Variants in EVI5 observed in about 807,000 individuals in gnomAD.
EVI5 encodes ecotropic viral integration site 5 protein homolog.
EVI5 carries 73 observed loss-of-function variants against 112.0 expected under a neutral mutation model. The observed-to-expected ratio is 0.65, with a 90% confidence interval of 0.54 to 0.79. EVI5 has a LOEUF of 0.79. Among genes scored for constraint, EVI5 ranks in the 30% least tolerant of loss-of-function variants. EVI5 has a pLI of 0.00. For synonymous variants in EVI5, 305 were observed against 319.9 expected, an observed-to-expected ratio of 0.95 and a Z score of 0.50; for missense variants, 900 against 968.8, an observed-to-expected ratio of 0.93 and a Z score of 0.94.
chr1:92,754,747 A>G (rs182300761), intron 1 of EVI5, among the ~76,000 whole-genome samples: 2 of 152,364 alleles, frequency 1.3e-5, no homozygotes, highest in Admixed American at 6.5e-5. Context: ...ATTTAGCTTC[A>G]TAAGTCACTC....
At chr1:92,691,974 T>A (rs1222896963) in intron 9 of EVI5, among the ~76,000 whole-genome samples, 1 of 152,106 alleles carries the variant, frequency 6.6e-6, no homozygotes, top group Non-Finnish European at 1.5e-5. Flanking sequence ...AAAGTCAATA[T>A]AAATATACAT....
intron 1 of EVI5, among the ~76,000 whole-genome samples, chr1:92,783,783 C>T (rs1297144744): frequency 7.4e-6 from 1 of 135,578 alleles, no homozygotes; most frequent in Non-Finnish European, 1.5e-5. Flanking sequence ...GCACTCCAGT[C>T]TGGCGACAGA....
intron 9 of EVI5, among the ~76,000 whole-genome samples, chr1:92,677,701 T>C (rs1323983344): frequency 2.0e-5 from 3 of 152,200 alleles, no homozygotes; most frequent in Non-Finnish European, 4.4e-5. Context: ...ACCATTAGAA[T>C]TCCTCAGTAA....
At chr1:92,714,062 C>T in intron 2 of EVI5, 1 of 984,350 alleles carries the variant, frequency 1.0e-6, no homozygotes. Context: ...GCACATTTAA[C>T]ACACAAGGGG....
chr1:92,777,193 C>T (rs977519100), intron 1 of EVI5, among the ~76,000 whole-genome samples: 4 of 152,184 alleles, frequency 2.6e-5, no homozygotes, highest in Non-Finnish European at 2.9e-5. Context: ...CTGCCTCAGA[C>T]TCCCAAAGTG....
At chr1:92,516,228 C>A (rs1156382638) in intron 19 of EVI5, among the ~76,000 whole-genome samples, 2 of 152,188 alleles carry the variant, frequency 1.3e-5, no homozygotes, top group African/African-American at 4.8e-5. Context: ...GAACATGTGT[C>A]TTCCTTCTTC....
intron 3 of EVI5, 72 bp downstream of exon 3, chr1:92,704,483 C>A: frequency 1.0e-6 from 1 of 987,938 alleles, no homozygotes; most frequent in Non-Finnish European, 1.5e-6. Context: ...GGTTTTTTTC[C>A]CAATCCTCTA....
chr1:92,774,231 TCA>T (rs1340731642), intron 1 of EVI5, among the ~76,000 whole-genome samples: 2 of 152,224 alleles, frequency 1.3e-5, no homozygotes, highest in African/African-American at 2.4e-5. Flanking sequence ...CAAATTATGC[TCA>T]GTTTTCCAAA....
chr1:92,748,591 T>C (rs185676163), intron 1 of EVI5, among the ~76,000 whole-genome samples: 53 of 152,178 alleles, frequency 3.5e-4, no homozygotes, highest in East Asian at 1.5e-3. Context: ...CAAAACAAAA[T>C]TAAAATATTT....
chr1:92,704,489 C>T, intron 3 of EVI5, 66 bp downstream of exon 3: 1 of 1,022,582 alleles, frequency 9.8e-7, no homozygotes. Flanking sequence ...TTTCCCAATC[C>T]TCTATTAAGT....
At chr1:92,636,784 T>G (rs1018425738) in intron 13 of EVI5, among the ~76,000 whole-genome samples, 4 of 151,912 alleles carry the variant, frequency 2.6e-5, no homozygotes, top group African/African-American at 9.7e-5. Flanking sequence ...TTTGAAGAAT[T>G]AATATGAAAT....
At chr1:92,640,413 A>AG (rs1659710673) in intron 13 of EVI5, among the ~76,000 whole-genome samples, 1 of 152,220 alleles carries the variant, frequency 6.6e-6, no homozygotes, top group Admixed American at 6.5e-5. Context: ...AATTTACAAG[A>AG]GAAAAACAAC....
intron 16 of EVI5, among the ~76,000 whole-genome samples, chr1:92,620,380 A>G (rs1006759962): frequency 1.3e-5 from 2 of 151,226 alleles, no homozygotes; most frequent in African/African-American, 4.8e-5. Context: ...ATAACAACCA[A>G]GAAGTTTCCA....
chr1:92,562,975 A>G (rs1416727790), intron 19 of EVI5, among the ~76,000 whole-genome samples: 2 of 152,336 alleles, frequency 1.3e-5, no homozygotes, highest in South Asian at 2.1e-4. Flanking sequence ...ATTAGTGTTT[A>G]GCCAAATATT....
At chr1:92,627,179 C>T (rs1655866968) in intron 14 of EVI5, among the ~76,000 whole-genome samples, 1 of 152,160 alleles carries the variant, frequency 6.6e-6, no homozygotes. Context: ...CTCTTCCCCA[C>T]AAGTCCTCAA....
At chr1:92,653,153 CA>C (rs1483159455) in intron 13 of EVI5, among the ~76,000 whole-genome samples, 1 of 152,192 alleles carries the variant, frequency 6.6e-6, no homozygotes, top group Non-Finnish European at 1.5e-5. Flanking sequence ...GCACAGCCAT[CA>C]GGGGTCTGTA....
In EVI5 at chr1:92,624,339, A is replaced by G; in HGVS notation, c.1669-5T>C. ...AGTAGTACGAGCTAAGTGGCGCTAA[A>G]GCATAAAAAATTATATTGCAACAAA... On this transcript the variant is annotated splice_polypyrimidine_tract_variant and splice_region_variant and intron_variant, in intron 15 of 19. Coordinates refer to ENST00000684568, the MANE Select transcript of EVI5 (RefSeq NM_001350197.2). 6.2e-7 allele frequency: 1 copy of G among 1,611,242 alleles called. No homozygotes were observed. Among genetic ancestry groups the G allele is most frequent in the Non-Finnish European group, 8.5e-7 (1 of 1,178,764 alleles).
chr1:92,637,545 C>T (rs919331442), intron 13 of EVI5, among the ~76,000 whole-genome samples: 22 of 152,064 alleles, frequency 1.4e-4, no homozygotes, highest in Non-Finnish European at 1.2e-4. Context: ...CATTTTTAAG[C>T]CAGTGCCCAT....
intron 18 of EVI5, among the ~76,000 whole-genome samples, chr1:92,575,822 C>T (rs1172132979): frequency 6.6e-5 from 10 of 151,964 alleles, no homozygotes; most frequent in Admixed American, 6.6e-4. Context: ...CTTCAGCCTC[C>T]CAAAGTGCTG....
Sources: gnomAD v4.1 joint callset for allele counts (sites outside exome capture counted in the v4.1 genomes callset) on GRCh38, gnomAD v4.1.1 for gene constraint, MANE v1.5 for transcripts, NCBI Gene and HGNC (gene_info 2026-07-23, HGNC 2026-07-21) for gene names.